SLC23A1: variants seen among roughly 807,000 people sequenced by gnomAD.
SLC23A1 encodes solute carrier family 23 member 1, also known as Na(+)/L-ascorbic acid transporter 1.
Under a neutral mutation model 62.5 loss-of-function variants are expected in SLC23A1, and 31 were observed. That is an observed-to-expected ratio of 0.50 (90% CI 0.37 to 0.67). SLC23A1 has a LOEUF of 0.67. Ranked by LOEUF, SLC23A1 falls within the 30% of genes least tolerant of loss-of-function variation. The pLI is 0.00. For synonymous variants in SLC23A1, 271 were observed against 313.2 expected (o/e 0.87, Z 1.42); for missense variants, 640 against 782.7 (o/e 0.82, Z 2.18).
chr5:139,378,646 C>G lies in SLC23A1; in HGVS notation c.1112G>C (p.Gly371Ala). 1 of 1,612,314 alleles carries G rather than the reference C, an allele frequency of 6.2e-7. No individual in the cohort carries two copies. The highest frequency in any genetic ancestry group is 8.5e-7 in the Non-Finnish European group (1 of 1,179,342). Residue 371 changes from glycine (G) to alanine (A), a missense_variant, in exon 10 of 15, where the codon GGG (glycine) becomes GCG (alanine). By Grantham distance (60) the Gly-to-Ala change is moderately conservative. Transcript: ENST00000348729. The surrounding 1 kb of genome is among the most constrained non-coding windows in gnomAD (Gnocchi z 4.5). ...FTEGICCIIAGLLGTGNGSTS... is the reference protein window; with the variant it reads ...FTEGICCIIAALLGTGNGSTS... Reference sequence around the variant, plus strand: ...GGACCCGTTGCCCGTGCCCAATAGCCCCGCGATGATGCAGCAAATGCCTTC... The same window carrying G: ...GGACCCGTTGCCCGTGCCCAATAGCGCCGCGATGATGCAGCAAATGCCTTC...
At chr5:139,376,646 C>T (rs1757962270) in intron 13 of SLC23A1, among the ~76,000 whole-genome samples, 2 of 152,208 alleles carry the variant, frequency 1.3e-5, no homozygotes, top group African/African-American at 2.4e-5. Flanking sequence ...ACAAAGTATC[C>T]TCCACGATCT....
chr5:139,383,155 C>A, intron 1 of SLC23A1, 63 bp downstream of exon 1: 1 of 558,524 alleles, frequency 1.8e-6, no homozygotes, highest in East Asian at 4.0e-5. Context: ...AGAAGGCCTG[C>A]ACAGGCCCTC....
At chr5:139,384,790 A>G (rs554156780), upstream of SLC23A1, 29 of 973,676 alleles carry the variant, frequency 3.0e-5, no homozygotes, top group African/African-American at 4.7e-4. Context: ...CCCCACAGAA[A>G]CACAGGTCCA....
intron 1 of SLC23A1, among the ~76,000 whole-genome samples, chr5:139,382,825 T>C (rs930508705): frequency 6.6e-6 from 1 of 152,196 alleles, no homozygotes; most frequent in Non-Finnish European, 1.5e-5. Context: ...CTGTGCCAGC[T>C]TCTAGAGCCC....
chr5:139,381,216 C>T (rs1331623291), intron 3 of SLC23A1, among the ~76,000 whole-genome samples: 4 of 152,240 alleles, frequency 2.6e-5, no homozygotes, highest in Non-Finnish European at 5.9e-5. Context: ...CCCCGCTGCT[C>T]AAACAGCTCA....
At chr5:139,382,627 AG>A (rs753432407) in intron 1 of SLC23A1, 22 bp from the exon 2 acceptor site, 1 of 1,473,824 alleles carries the variant, frequency 6.8e-7, no homozygotes, top group African/African-American at 1.4e-5. Context: ...AGAGATAAGT[AG>A]CTTAGGGTGA....
chr5:139,379,564 A>T lies in SLC23A1; in HGVS notation c.925+114T>A, dbSNP rs180773566. 6.1e-5 allele frequency: 70 copies of T among 1,143,068 alleles called. No homozygotes were observed. In the East Asian group the frequency reaches 1.6e-3, roughly 25 times the overall value. 70.8% of individuals were successfully genotyped at this position (1,143,068 alleles called of 1,614,324 possible). ...AGTAAAACACCACTCTGCTGGGCGC[A>T]CTATAAATGTGCGGCTAATGCTAGG... On this transcript the variant is annotated intron_variant, in intron 8 of 14. Transcript: ENST00000348729. This position sits in a 1 kb window ranked among gnomAD's most constrained non-coding sequence, Gnocchi z 4.7.
upstream of SLC23A1, among the ~76,000 whole-genome samples, chr5:139,385,027 G>C (rs576938570): frequency 4.6e-5 from 7 of 152,208 alleles, no homozygotes; most frequent in African/African-American, 1.7e-4. Context: ...CCAGCAGCCC[G>C]CCTCTCCGGT....
At chr5:139,383,323 A>G (rs770503264), upstream of SLC23A1, 16 of 1,584,504 alleles carry the variant, frequency 1.0e-5, no homozygotes, top group Non-Finnish European at 4.3e-6. Context: ...AAGGAGGAGG[A>G]CTTTACTCCA....
At position 139,382,941 on chromosome 5, in the gene SLC23A1, C is replaced by T. The variant is rs115079125; in HGVS notation, c.36+277G>A. On this transcript the variant is annotated intron_variant, in intron 1 of 14. Transcript: ENST00000348729. ...CTCAAGACTGTGGACAAGTCCAATC[C>T]GGTCCCACCTCTGCCCCCTGGAGAT... Among the ~76,000 whole-genome samples the T allele has an allele frequency of 8.6e-3, 1,307 of 152,292 alleles. 15 individuals carry two copies. The highest frequency in any genetic ancestry group is 0.029 in the African/African-American group (1,202 of 41,544).
At position 139,379,730 on chromosome 5, in the gene SLC23A1, A is replaced by G. The variant is rs116375935; in HGVS notation, c.873T>C (p.Asp291=). ...PKAYGFQART[D]ARGDIMAIAP... ...CAATAGCCATGATGTCACCACGGGCATCGGTTCGTGCCTGGAAGCCATAGG... is the reference window on the plus strand; with the variant it reads ...CAATAGCCATGATGTCACCACGGGCGTCGGTTCGTGCCTGGAAGCCATAGG... Residue 291 remains aspartate (D), a synonymous_variant, in exon 8 of 15, where the codon GAT becomes GAC. Transcript: ENST00000348729. This position sits in a 1 kb window ranked among gnomAD's most constrained non-coding sequence, Gnocchi z 4.7. 1,330 of 1,614,032 alleles carry G rather than the reference A, an allele frequency of 8.2e-4. 16 individuals carry two copies. The African/African-American group carries it at 0.012, about 14-fold the overall frequency.
At position 139,372,053 on chromosome 5, in the gene SLC23A1, C is replaced by T. The variant is rs530752062; in HGVS notation, c.1750G>A (p.Asp584Asn). 18 of 1,613,558 alleles carry T rather than the reference C, an allele frequency of 1.1e-5. No individual in the cohort carries two copies. In the South Asian group the frequency reaches 2.0e-4, roughly 18 times the overall value. ...GCAGTTTCTGTATTTTCTGGAGTGT[C>T]TTCTGGAATTGCAATCTGATCTTTT... Reference protein sequence around the residue: ...SSKDQIAIPEDTPENTETASV... With the variant: ...SSKDQIAIPENTPENTETASV... The change falls in exon 14 of 15, where the codon GAC (aspartate) becomes AAC (asparagine). Residue 584 changes from aspartate (D) to asparagine (N), a missense_variant. Physicochemically the swap from Asp to Asn is conservative, Grantham distance 23. Coordinates refer to ENST00000348729, the MANE Select transcript of SLC23A1 (RefSeq NM_005847.5).
Position 139,379,691 on chromosome 5 carries a change from G to A in SLC23A1, c.912C>T (p.Arg304=). 1 of 1,613,272 alleles carries A rather than the reference G, an allele frequency of 6.2e-7. No individual in the cohort carries two copies. Among genetic ancestry groups the A allele is most frequent in the Non-Finnish European group, 8.5e-7 (1 of 1,179,610 alleles). The change falls in exon 8 of 15, where the codon CGC becomes CGT. Residue 304 remains arginine (R), a synonymous_variant. Transcript: ENST00000348729. This position sits in a 1 kb window ranked among gnomAD's most constrained non-coding sequence, Gnocchi z 4.7. ...GDIMAIAPWI[R]IPYPCQWGLP... ...GGTGTTGCTCACAGGGGTAGGGGAT[G>A]CGGATCCAGGGTGCAATAGCCATGA...
At chr5:139,368,892 T>C (rs1249918760) in intron 14 of SLC23A1, 4 of 945,640 alleles carry the variant, frequency 4.2e-6, no homozygotes, top group Non-Finnish European at 6.7e-6. Context: ...CTTGTCACTG[T>C]GTTACACTTA....
At chr5:139,382,214 C>G in intron 2 of SLC23A1, 165 bp from the exon 3 acceptor site, 1 of 655,554 alleles carries the variant, frequency 1.5e-6, no homozygotes, top group Non-Finnish European at 2.6e-6. Flanking sequence ...GCTGACCACT[C>G]TGGGGGTCAC....
intron 14 of SLC23A1, among the ~76,000 whole-genome samples, chr5:139,370,666 A>AT (rs1470201815): frequency 1.3e-5 from 2 of 151,272 alleles, no homozygotes; most frequent in East Asian, 2.0e-4. Flanking sequence ...TAATTTTTGT[A>AT]TTTTTTTAGT....
At position 139,382,035 on chromosome 5, in the gene SLC23A1, G is replaced by C; in HGVS notation, c.165C>G (p.Cys55Trp). The change falls in exon 3 of 15, where the codon TGC becomes TGG. Residue 55 changes from cysteine (C) to tryptophan (W), a missense_variant. Transcript: ENST00000348729. ...AGGGCACGGCGATGGTACCACTGAA[G>C]CATGTCAGGTAGTGCTGGGCAGAGG... ...ILLGFQHYLT[C>W]FSGTIAVPFL... is the part of the protein sequence containing the mutation. 6.2e-7 allele frequency: 1 copy of C among 1,609,250 alleles called. No homozygotes were observed. Among genetic ancestry groups the C allele is most frequent in the Admixed American group, 1.7e-5 (1 of 59,360 alleles).
At chr5:139,371,870 G>T in intron 14 of SLC23A1, 117 bp downstream of exon 14, 1 of 790,642 alleles carries the variant, frequency 1.3e-6, no homozygotes, top group Non-Finnish European at 2.1e-6. Flanking sequence ...CCTTCTCTTT[G>T]AGGACATTCA....
rs565961834 is a variant in SLC23A1 at position 139,378,022 on chromosome 5, A to C, written c.1406T>G (p.Leu469Arg). Reference protein sequence around the residue: ...FVLGFSMFFGLTLPNYLESNP... With the variant: ...FVLGFSMFFGRTLPNYLESNP... ...GGACTCCAGGTAATTGGGCAGCGTG[A>C]GCCCGAAGAACATGGAAAATCCCAG... The change falls in exon 12 of 15, where the codon CTC becomes CGC. Residue 469 changes from leucine (L) to arginine (R), a missense_variant. Transcript: ENST00000348729. This position sits in a 1 kb window ranked among gnomAD's most constrained non-coding sequence, Gnocchi z 4.5. 6.2e-7 allele frequency: 1 copy of C among 1,614,060 alleles called. No homozygotes were observed. Among genetic ancestry groups the C allele is most frequent in the East Asian group, 2.2e-5 (1 of 44,884 alleles).
Sources: allele counts gnomAD v4.1 joint callset (sites outside exome capture counted in the v4.1 genomes callset), GRCh38; gene constraint gnomAD v4.1.1; non-coding constraint Gnocchi (gnomAD v3.1); transcripts MANE v1.5; gene names NCBI Gene and HGNC (gene_info 2026-07-23, HGNC 2026-07-21).